NLK: variants seen among roughly 807,000 people sequenced by gnomAD.
NLK encodes serine/threonine-protein kinase NLK.
In NLK, 11 loss-of-function variants were observed where a neutral mutation model predicts 59.0. That is an observed-to-expected ratio of 0.19 (90% CI 0.12 to 0.31). NLK has a LOEUF of 0.31. Ranked by LOEUF, NLK falls within the 10% of genes least tolerant of loss-of-function variation. The probability of loss-of-function intolerance (pLI) is 1.00; values close to 1 mark genes in which losing one functional copy is unlikely to be tolerated. For synonymous variants in NLK, 235 were observed against 235.9 expected, an observed-to-expected ratio of 1.00 and a Z score of 0.03; for missense variants, 410 against 661.1, an observed-to-expected ratio of 0.62 and a Z score of 4.16.
intron 1 of NLK, among the ~76,000 whole-genome samples, chr17:28,097,863 C>T (rs1014697454): frequency 6.6e-6 from 1 of 152,130 alleles, no homozygotes. Flanking sequence ...TTCCATTTTA[C>T]GTTACAGTGT....
At chr17:28,075,956 A>T (rs1910150855) in intron 1 of NLK, among the ~76,000 whole-genome samples, 1 of 152,202 alleles carries the variant, frequency 6.6e-6, no homozygotes, top group Admixed American at 6.6e-5. Context: ...ACATTTACCC[A>T]TACAGTGAAA....
chr17:28,050,521 C>CCGGAG (rs1909213779), intron 1 of NLK, among the ~76,000 whole-genome samples: 1 of 152,146 alleles, frequency 6.6e-6, no homozygotes, highest in Admixed American at 6.6e-5. Flanking sequence ...TAAAAAGGCT[C>CCGGAG]CGTAGGCGGG....
At chr17:28,141,975 A>C (rs758279282) in intron 3 of NLK, among the ~76,000 whole-genome samples, 60 of 152,314 alleles carry the variant, frequency 3.9e-4, no homozygotes, top group Middle Eastern at 3.4e-3. Flanking sequence ...TGACGGTGGA[A>C]GATTAATCAC....
At chr17:28,199,675 A>C (rs1184150480), downstream of NLK, among the ~76,000 whole-genome samples, 8 of 65,204 alleles carry the variant, frequency 1.2e-4, no homozygotes, top group Non-Finnish European at 2.2e-4. Flanking sequence ...CAAAAAAAAA[A>C]AAAAAAAAAC....
the NLK span, among the ~76,000 whole-genome samples, chr17:28,203,193 A>G: frequency 6.6e-6 from 1 of 151,452 alleles, no homozygotes; most frequent in Non-Finnish European, 1.5e-5. Flanking sequence ...ACACACACAC[A>G]CACACACAGT....
At chr17:28,077,949 A>G (rs1451068128) in intron 1 of NLK, among the ~76,000 whole-genome samples, 1 of 152,202 alleles carries the variant, frequency 6.6e-6, no homozygotes, top group African/African-American at 2.4e-5. Flanking sequence ...CAAGCATGTT[A>G]TAGTTATAGG....
At chr17:28,098,617 G>A (rs1406327147) in intron 1 of NLK, among the ~76,000 whole-genome samples, 2 of 150,608 alleles carry the variant, frequency 1.3e-5, no homozygotes, top group Admixed American at 6.6e-5. Context: ...CTATTGTTGG[G>A]CATACAAGTT....
intron 3 of NLK, among the ~76,000 whole-genome samples, chr17:28,156,143 A>T (rs1233465215): frequency 1.3e-5 from 2 of 151,948 alleles, no homozygotes; most frequent in African/African-American, 4.9e-5. Flanking sequence ...CAAAATATGC[A>T]AAAATATATA....
chr17:28,104,144 C>T (rs1904994206), intron 1 of NLK, among the ~76,000 whole-genome samples: 1 of 152,200 alleles, frequency 6.6e-6, no homozygotes, highest in Non-Finnish European at 1.5e-5. Flanking sequence ...GGCCATTTCT[C>T]ACTCTCTAGT....
chr17:28,168,691 C>G (rs1908343197), intron 6 of NLK, 34 bp downstream of exon 6: 5 of 1,485,750 alleles, frequency 3.4e-6, no homozygotes, highest in Non-Finnish European at 4.7e-6. Context: ...AGTTGCAATT[C>G]TATTGCAGAT....
intron 1 of NLK, among the ~76,000 whole-genome samples, chr17:28,067,530 T>A (rs1909869823): frequency 6.6e-6 from 1 of 150,470 alleles, no homozygotes; most frequent in African/African-American, 2.4e-5. Flanking sequence ...CACAGAGAAT[T>A]GTTTAAAAAA....
chr17:28,148,776 G>A (rs1424462846), intron 3 of NLK, among the ~76,000 whole-genome samples: 1 of 152,000 alleles, frequency 6.6e-6, no homozygotes, highest in Non-Finnish European at 1.5e-5. Context: ...TTCTTATTTT[G>A]GTTGTGTTCT....
chr17:28,196,829 G>T (rs1394597922), downstream of NLK, among the ~76,000 whole-genome samples: 1 of 152,120 alleles, frequency 6.6e-6, no homozygotes, highest in Non-Finnish European at 1.5e-5. Flanking sequence ...CCAGCCCAGT[G>T]GTGGTGTAAT....
intron 1 of NLK, among the ~76,000 whole-genome samples, chr17:28,061,266 A>G (rs981359096): frequency 1.3e-5 from 2 of 152,236 alleles, no homozygotes; most frequent in Non-Finnish European, 2.9e-5. Flanking sequence ...TATTTTTAAA[A>G]GGTGTCTATA....
intron 1 of NLK, among the ~76,000 whole-genome samples, chr17:28,044,342 A>G (rs1908980803): frequency 6.6e-6 from 1 of 152,220 alleles, no homozygotes; most frequent in African/African-American, 2.4e-5. Context: ...CCACAGGAAA[A>G]TGAACTCTTT....
chr17:28,094,139 T>G (rs769285723), intron 1 of NLK, among the ~76,000 whole-genome samples: 4 of 152,188 alleles, frequency 2.6e-5, no homozygotes, highest in Non-Finnish European at 5.9e-5. Flanking sequence ...GATGACTTGT[T>G]TTTATTCATG....
At chr17:28,064,572 A>C (rs1909766985) in intron 1 of NLK, among the ~76,000 whole-genome samples, 1 of 152,122 alleles carries the variant, frequency 6.6e-6, no homozygotes, top group South Asian at 2.1e-4. Context: ...TTTTTAAAAA[A>C]AGTTTTTCAG....
At chr17:28,177,249 A>C (rs541868172) in intron 7 of NLK, among the ~76,000 whole-genome samples, 1 of 152,208 alleles carries the variant, frequency 6.6e-6, no homozygotes, top group Non-Finnish European at 1.5e-5. Context: ...GACCCATGCA[A>C]TTCAAACCTG....
chr17:28,194,393 G>C (rs1238095568), intron 10 of NLK, among the ~76,000 whole-genome samples, 189 bp from the exon 11 acceptor site: 3 of 152,178 alleles, frequency 2.0e-5, no homozygotes, highest in Non-Finnish European at 1.5e-5. Flanking sequence ...CACTATACCA[G>C]ATTGCCTCTC....
Sources: allele counts gnomAD v4.1 joint callset (sites outside exome capture counted in the v4.1 genomes callset), GRCh38; gene constraint gnomAD v4.1.1; transcripts MANE v1.5; gene names NCBI Gene and HGNC (gene_info 2026-07-23, HGNC 2026-07-21).